The following ZSCAN25 variants were observed in gnomAD, a reference collection of about 807,000 sequenced individuals.
The protein encoded by ZSCAN25 is zinc finger and SCAN domain-containing protein 25.
A neutral mutation model predicts 38.7 loss-of-function variants in ZSCAN25; 27 were observed. The ratio of observed to expected loss-of-function variants is 0.70; its 90% CI spans 0.51 to 0.96. The LOEUF is 0.96. ZSCAN25 is among the 40% of genes least tolerant of loss of function. ZSCAN25 has a pLI of 0.00. For synonymous variants in ZSCAN25, 273 were observed against 277.7 expected (o/e 0.98, Z 0.17); for missense variants, 637 against 705.9 (o/e 0.90, Z 1.11).
the ZSCAN25 span, chr7:99,676,070 T>C: frequency 6.5e-7 from 1 of 1,539,004 alleles, no homozygotes; most frequent in African/African-American, 1.4e-5. Flanking sequence ...ACTAAGCTGA[T>C]GTTTGCAACC....
At chr7:99,706,784 T>C in the ZSCAN25 span, among the ~76,000 whole-genome samples, 2 of 152,242 alleles carry the variant, frequency 1.3e-5, no homozygotes, top group African/African-American at 4.8e-5. Flanking sequence ...AATATTTGTA[T>C]GCAAACCAAT....
chr7:99,624,316 C>T, intron 7 of ZSCAN25, 136 bp downstream of exon 7: 1 of 1,050,104 alleles, frequency 9.5e-7, no homozygotes, highest in Non-Finnish European at 1.4e-6. Context: ...CAGCACGGAC[C>T]ATGGGGCACG....
At chr7:99,662,710 G>T in the ZSCAN25 span, 1 of 1,103,852 alleles carries the variant, frequency 9.1e-7, no homozygotes, top group Non-Finnish European at 1.4e-6. The surrounding 1 kb of genome is among the most constrained non-coding windows in gnomAD (Gnocchi z 4.3). Context: ...GTTCTGCTAT[G>T]TGGCAAAAAT....
chr7:99,655,491 A>G, the ZSCAN25 span, among the ~76,000 whole-genome samples: 2 of 152,166 alleles, frequency 1.3e-5, no homozygotes, highest in Non-Finnish European at 2.9e-5. Context: ...GCCTTGTAGT[A>G]TAGTTTGAAG....
chr7:99,705,381 T>A, the ZSCAN25 span: 1 of 1,131,014 alleles, frequency 8.8e-7, no homozygotes, highest in Non-Finnish European at 1.3e-6. Context: ...TGATTATTTA[T>A]GCAGCACATT....
At chr7:99,674,838 G>T in the ZSCAN25 span, among the ~76,000 whole-genome samples, 1 of 152,208 alleles carries the variant, frequency 6.6e-6, no homozygotes, top group Non-Finnish European at 1.5e-5. Flanking sequence ...TGACCAGTAA[G>T]TAATTCCTTG....
chr7:99,723,299 C>A, the ZSCAN25 span, among the ~76,000 whole-genome samples: 1 of 152,194 alleles, frequency 6.6e-6, no homozygotes, highest in Non-Finnish European at 1.5e-5. Context: ...CCTGCCCCAA[C>A]TGATCGATTG....
chr7:99,621,238 C>G (rs1584346545), intron 4 of ZSCAN25, 135 bp from the exon 5 acceptor site: 6 of 720,904 alleles, frequency 8.3e-6, no homozygotes, highest in Non-Finnish European at 9.9e-6. Context: ...GGGAAGAGCT[C>G]AGCTGATTTT....
the ZSCAN25 span, among the ~76,000 whole-genome samples, chr7:99,642,191 C>A: frequency 6.6e-6 from 1 of 152,198 alleles, no homozygotes; most frequent in Non-Finnish European, 1.5e-5. Context: ...TCTGCAAATT[C>A]TTTGACACTC....
the ZSCAN25 span, chr7:99,672,890 A>T: frequency 7.3e-7 from 1 of 1,375,226 alleles, no homozygotes; most frequent in Non-Finnish European, 9.4e-7. Flanking sequence ...GATGAAGGGT[A>T]ATGTGGTCCA....
chr7:99,731,495 T>A, the ZSCAN25 span, among the ~76,000 whole-genome samples: 2 of 152,194 alleles, frequency 1.3e-5, no homozygotes, highest in African/African-American at 4.8e-5. Flanking sequence ...GTCTTTTTAG[T>A]AAGTGGACTC....
At chr7:99,638,671 A>AT in the ZSCAN25 span, 2 of 1,549,254 alleles carry the variant, frequency 1.3e-6, no homozygotes, top group Non-Finnish European at 1.8e-6. Context: ...CAGCTTCAAC[A>AT]TTTACAGGAT....
the ZSCAN25 span, among the ~76,000 whole-genome samples, chr7:99,662,291 G>A: frequency 2.1e-3 from 324 of 152,280 alleles, no homozygotes; most frequent in African/African-American, 6.7e-3. This position sits in a 1 kb window ranked among gnomAD's most constrained non-coding sequence, Gnocchi z 4.3. Context: ...CCATCCATGG[G>A]TCATAAAACT....
In ZSCAN25 at chr7:99,630,221, T is replaced by G; in HGVS notation, c.*201T>G. On this transcript the variant is annotated 3_prime_UTR_variant, in exon 8 of 8. Coordinates refer to ENST00000394152, the MANE Select transcript of ZSCAN25 (RefSeq NM_145115.3). ...CTCTTACCCAAGTGGTGCTAAACAA[T>G]TTTTCTTCCAATGTTTGAGGGAAGC... is the stretch of plus-strand genomic sequence containing the variant. The G allele has an allele frequency of 1.5e-6, 2 of 1,349,378 alleles. No individual in the cohort carries two copies. The highest frequency in any genetic ancestry group is 1.9e-6 in the Non-Finnish European group (2 of 1,056,326). 83.6% of individuals were successfully genotyped at this position (1,349,378 alleles called of 1,614,324 possible).
the ZSCAN25 span, among the ~76,000 whole-genome samples, chr7:99,645,838 A>G: frequency 1.3e-5 from 2 of 151,978 alleles, no homozygotes; most frequent in Non-Finnish European, 1.5e-5. Flanking sequence ...GATGTTGGCT[A>G]TTAGACCTTT....
intron 7 of ZSCAN25, among the ~76,000 whole-genome samples, chr7:99,628,148 A>C (rs1321586035): frequency 6.6e-6 from 1 of 152,202 alleles, no homozygotes; most frequent in African/African-American, 2.4e-5. Flanking sequence ...CAAAAAAATA[A>C]AAATAAAATC....
chr7:99,616,981 C>A lies in ZSCAN25; in HGVS notation c.-294C>A, dbSNP rs1173532035. The A allele has an allele frequency of 1.3e-5, 2 of 152,408 alleles. No homozygotes were observed. The highest frequency in any genetic ancestry group is 3.4e-3 in the Middle Eastern group (1 of 294). 9.4% of individuals were successfully genotyped at this position (152,408 alleles called of 1,614,324 possible). Reference sequence around the variant, plus strand: ...TCCGGACCGCGGATAGCACTGGCGACCCTAGCGGGTGAGAGGCCCTTCAGG... The same window carrying A: ...TCCGGACCGCGGATAGCACTGGCGAACCTAGCGGGTGAGAGGCCCTTCAGG... On this transcript the variant is annotated 5_prime_UTR_variant, in exon 1 of 8. Transcript: ENST00000394152.
chr7:99,639,966 T>A, the ZSCAN25 span, among the ~76,000 whole-genome samples: 19 of 151,300 alleles, frequency 1.3e-4, no homozygotes, highest in African/African-American at 3.9e-4. Context: ...ACTCAAGAGG[T>A]TGAGGTGGGA....
chr7:99,735,147 T>A, the ZSCAN25 span: 1 of 1,609,336 alleles, frequency 6.2e-7, no homozygotes. Flanking sequence ...AGCAGCGTGC[T>A]GCTGTTTGCT....
Sources: gnomAD v4.1 joint callset for allele counts (sites outside exome capture counted in the v4.1 genomes callset) on GRCh38, gnomAD v4.1.1 for gene constraint, Gnocchi (gnomAD v3.1) non-coding constraint, MANE v1.5 for transcripts, NCBI Gene and HGNC (gene_info 2026-07-23, HGNC 2026-07-21) for gene names.